Variants in RNF130 observed in about 807,000 individuals in gnomAD.
RNF130 encodes the protein E3 ubiquitin-protein ligase RNF130.
A neutral mutation model predicts 44.6 loss-of-function variants in RNF130; 21 were observed. The ratio of observed to expected loss-of-function variants is 0.47; its 90% confidence interval spans 0.33 to 0.68. The LOEUF (loss-of-function observed/expected upper bound fraction) is 0.68. Ranked by LOEUF, RNF130 falls within the 30% of genes least tolerant of loss-of-function variation. The pLI, the probability that RNF130 is intolerant of heterozygous loss-of-function variation, is 0.02. For missense variants in RNF130, 479 were observed against 560.6 expected (o/e 0.85, Z 1.47); for synonymous variants, 214 against 210.4 (o/e 1.02, Z -0.15).
intron 3 of RNF130, among the ~76,000 whole-genome samples, chr5:179,990,750 G>A (rs1236682319): frequency 1.3e-5 from 2 of 152,222 alleles, no homozygotes; most frequent in African/African-American, 4.8e-5. Context: ...GCGTGACAGA[G>A]GGCTCACACT....
At chr5:180,038,062 G>A (rs1032258734) in intron 2 of RNF130, among the ~76,000 whole-genome samples, 3 of 152,086 alleles carry the variant, frequency 2.0e-5, no homozygotes, top group African/African-American at 7.2e-5. Flanking sequence ...TTAGTTTTGT[G>A]TTTGTCTTTG....
At chr5:180,006,946 A>C (rs1159715613) in intron 3 of RNF130, among the ~76,000 whole-genome samples, 2 of 152,228 alleles carry the variant, frequency 1.3e-5, no homozygotes, top group Non-Finnish European at 2.9e-5. Flanking sequence ...GGAAGAGCAA[A>C]CCACAGACAC....
At chr5:180,032,389 C>T (rs1315912056) in intron 2 of RNF130, among the ~76,000 whole-genome samples, 1 of 152,018 alleles carries the variant, frequency 6.6e-6, no homozygotes, top group East Asian at 1.9e-4. Flanking sequence ...TTCCTTCTTC[C>T]TTGAAACAAT....
chr5:180,016,730 T>C (rs1763744659), intron 2 of RNF130, among the ~76,000 whole-genome samples: 1 of 152,242 alleles, frequency 6.6e-6, no homozygotes, highest in Non-Finnish European at 1.5e-5. Context: ...ATCCTGAGAA[T>C]TTTCAAACCC....
At chr5:179,912,340 A>G (rs1761478443) in exon 8 of RNF130, 1 of 152,286 alleles carries the variant, frequency 6.6e-6, no homozygotes, top group East Asian at 1.9e-4. Context: ...AATGTTCTCC[A>G]TACCTCAAAT....
intron 1 of RNF130, among the ~76,000 whole-genome samples, chr5:180,047,638 G>A (rs1764597042): frequency 6.6e-6 from 1 of 152,088 alleles, no homozygotes; most frequent in African/African-American, 2.4e-5. Flanking sequence ...TAGCTACTCG[G>A]GAGGCTGAGG....
chr5:180,035,554 C>T (rs1320737836), intron 2 of RNF130, among the ~76,000 whole-genome samples: 1 of 152,176 alleles, frequency 6.6e-6, no homozygotes, highest in Non-Finnish European at 1.5e-5. Flanking sequence ...TATATGCTTG[C>T]TAATTTTCTA....
At chr5:180,014,953 G>A (rs925573239) in intron 2 of RNF130, among the ~76,000 whole-genome samples, 2 of 152,020 alleles carry the variant, frequency 1.3e-5, no homozygotes, top group Admixed American at 1.3e-4. Context: ...GCCACTGCAC[G>A]CCAGCCTGGG....
At chr5:179,973,592 GC>G (rs535830780) in intron 5 of RNF130, among the ~76,000 whole-genome samples, 10 of 152,206 alleles carry the variant, frequency 6.6e-5, no homozygotes, top group Non-Finnish European at 1.5e-4. Flanking sequence ...CATCACACGG[GC>G]AGAGCGGCCC....
intron 8 of RNF130, among the ~76,000 whole-genome samples, chr5:179,962,280 T>C (rs1762349964): frequency 6.6e-6 from 1 of 152,166 alleles, no homozygotes; most frequent in South Asian, 2.1e-4. Context: ...GGGCACTTCT[T>C]CCAAGTATCT....
rs1762556183 is a variant in RNF130 at position 179,970,484 on chromosome 5, C to T, written c.871G>A (p.Val291Met). 2 of 1,613,164 alleles carry T rather than the reference C, an allele frequency of 1.2e-6. No individual in the cohort carries two copies. Among genetic ancestry groups the T allele is most frequent in the South Asian group, 2.2e-5 (2 of 90,928 alleles). ...PCKHVFHKSCVDPWLSEHCTC... is the reference protein window; with the variant it reads ...PCKHVFHKSCMDPWLSEHCTC... ...CAATGTTCACTAAGCCAGGGATCCA[C>T]GCAGGATTTGTGGAAAACATGCCTA... is the stretch of plus-strand genomic sequence containing the variant. Residue 291 changes from valine (V) to methionine (M), a missense_variant, in exon 6 of 9, where the codon GTG becomes ATG. Physicochemically the swap from Val to Met is conservative, Grantham distance 21 (BLOSUM62 1). Transcript: ENST00000521389.
chr5:180,071,176 A>C (rs1315275986), intron 1 of RNF130, among the ~76,000 whole-genome samples: 1 of 152,224 alleles, frequency 6.6e-6, no homozygotes, highest in Non-Finnish European at 1.5e-5. Flanking sequence ...CTGTCCCTGC[A>C]AACTCCTAGC....
intron 2 of RNF130, among the ~76,000 whole-genome samples, chr5:180,025,299 C>T (rs1221019988): frequency 6.6e-6 from 1 of 152,224 alleles, no homozygotes; most frequent in Non-Finnish European, 1.5e-5. Flanking sequence ...AACAGTATTT[C>T]AAACCCATGT....
intron 5 of RNF130, among the ~76,000 whole-genome samples, chr5:179,971,165 T>C (rs1345144855): frequency 6.6e-6 from 1 of 152,096 alleles, no homozygotes; most frequent in Admixed American, 6.6e-5. Flanking sequence ...AAGTCAGTCA[T>C]ACAGGGTTTT....
At chr5:180,029,134 C>A (rs1764064144) in intron 2 of RNF130, among the ~76,000 whole-genome samples, 1 of 152,168 alleles carries the variant, frequency 6.6e-6, no homozygotes, top group Admixed American at 6.6e-5. Flanking sequence ...ATTCTTTTCT[C>A]TATTTTAGAG....
intron 3 of RNF130, among the ~76,000 whole-genome samples, chr5:179,986,202 T>C (rs1020496820): frequency 6.6e-6 from 1 of 152,226 alleles, no homozygotes; most frequent in Non-Finnish European, 1.5e-5. Flanking sequence ...TTTGTGCCTG[T>C]TGGTGTAGCT....
intron 1 of RNF130, among the ~76,000 whole-genome samples, chr5:180,047,842 T>C (rs1764603104): frequency 6.6e-6 from 1 of 152,178 alleles, no homozygotes; most frequent in African/African-American, 2.4e-5. Flanking sequence ...TCCCACTTCC[T>C]CCAGGCTTTC....
intron 3 of RNF130, among the ~76,000 whole-genome samples, chr5:179,986,486 C>T (rs146607900): frequency 6.6e-4 from 101 of 152,334 alleles, no homozygotes; most frequent in African/African-American, 2.4e-3. Flanking sequence ...GTGAGAACCA[C>T]AAGAGGTCAC....
intron 7 of RNF130, among the ~76,000 whole-genome samples, chr5:179,948,220 T>C (rs905505376): frequency 6.6e-6 from 1 of 152,178 alleles, no homozygotes; most frequent in African/African-American, 2.4e-5. Flanking sequence ...TTGCGAAGAT[T>C]AAAATGGTTA....
Sources: allele counts gnomAD v4.1 joint callset (sites outside exome capture counted in the v4.1 genomes callset), GRCh38; gene constraint gnomAD v4.1.1; transcripts MANE v1.5; gene names NCBI Gene and HGNC (gene_info 2026-07-23, HGNC 2026-07-21).